Variants in TTN observed in about 807,000 individuals in gnomAD.
The protein encoded by TTN is connectin.
In TTN, 1,525 loss-of-function variants were observed where a neutral mutation model predicts 3,223.0. That is an observed-to-expected ratio of 0.47 (90% CI 0.45 to 0.49). The LOEUF (loss-of-function observed/expected upper bound fraction) is 0.49, where lower values mean the gene tolerates loss of function less well. TTN is among the 20% of genes least tolerant of loss of function. The pLI is 0.00. For missense variants in TTN, 40,786 were observed against 43,424.0 expected, an observed-to-expected ratio of 0.94 and a Z score of 5.40; for synonymous variants, 14,094 against 15,161.0, an observed-to-expected ratio of 0.93 and a Z score of 5.17.
rs1317452229 is a variant in TTN, at chr2:178,584,365, T to C, written c.65186A>G (p.Glu21729Gly). The C allele has an allele frequency of 6.2e-7, 1 of 1,613,148 alleles. No individual in the cohort carries two copies. Among genetic ancestry groups the C allele is most frequent in the Non-Finnish European group, 8.5e-7 (1 of 1,179,458 alleles). The change falls in exon 311 of 363, where the codon GAG becomes GGG. Residue 21729 changes from glutamate (E) to glycine (G), a missense_variant. Transcript: ENST00000589042. ...YPCAGLVEGL[E>G]YSFRIYALNK... Reference sequence around the variant, plus strand: ...TAGGGCATAGATTCTGAATGAATACTCAAGACCTTCTACAAGGCCAGCACA... The same window carrying C: ...TAGGGCATAGATTCTGAATGAATACCCAAGACCTTCTACAAGGCCAGCACA...
chr2:178,684,331 T>G lies in TTN; in HGVS notation c.32721A>C (p.Arg10907Ser), dbSNP rs751233550. 1 of 1,613,266 alleles carries G rather than the reference T, an allele frequency of 6.2e-7. No individual in the cohort carries two copies. The highest frequency in any genetic ancestry group is 8.5e-7 in the Non-Finnish European group (1 of 1,179,552). Residue 10907 changes from arginine (R) to serine (S), a missense_variant and splice_region_variant, in exon 132 of 363, where the codon AGA becomes AGC. Coordinates refer to ENST00000589042, the MANE Select transcript of TTN (RefSeq NM_001267550.2). ...TGCATAATGGAAGGGCGGATGTACC[T>G]CTTGCTTTTGGAGGCGCCTCTTTTT... ...VTKKEAPPKA[R>S]VPEEPKRAVP...
At chr2:178,603,770 A>T in intron 282 of TTN, 106 bp downstream of exon 282, 1 of 1,128,378 alleles carries the variant, frequency 8.9e-7, no homozygotes, top group Non-Finnish European at 1.2e-6. Flanking sequence ...TATTTTAATA[A>T]ATAAAATAAT....
intron 6 of TTN, among the ~76,000 whole-genome samples, chr2:178,798,008 C>T (rs1014465750): frequency 6.6e-6 from 1 of 151,958 alleles, no homozygotes; most frequent in Non-Finnish European, 1.5e-5. Flanking sequence ...ATACCTCTCC[C>T]TCCCCTGAAT....
In TTN at chr2:178,575,364, A is replaced by T; in HGVS notation, c.70768T>A (p.Cys23590Ser). Residue 23590 changes from cysteine to serine, a missense_variant, in exon 326 of 363, where the codon TGT becomes AGT. Transcript: ENST00000589042. The surrounding 1 kb of genome is among the most constrained non-coding windows in gnomAD (Gnocchi z 4.0). ...CCTTCAGTTAGATTCCTCACAACAC[A>T]TTCTAACCCTTTCACGGTTGTGATG... is the stretch of plus-strand genomic sequence containing the variant. ...THITTVKGLE[C>S]VVRNLTEGEE... 6.2e-7 allele frequency: 1 copy of T among 1,613,606 alleles called. No homozygotes were observed.
In TTN at chr2:178,607,623, T is replaced by C; in HGVS notation, c.53065A>G (p.Thr17689Ala). ...GTCACCACAGCTGGAATTCTAAGAGTCTTCCCAGCCATTATTTGTATTCCA... is the reference window on the plus strand; with the variant it reads ...GTCACCACAGCTGGAATTCTAAGAGCCTTCCCAGCCATTATTTGTATTCCA... ...KGGIQIMAGK[T>A]LRIPAVVTGR... The change falls in exon 277 of 363, where the codon ACT becomes GCT. Residue 17689 changes from threonine (T) to alanine (A), a missense_variant. Physicochemically the swap from Thr to Ala is moderately conservative, Grantham distance 58 (BLOSUM62 0). Coordinates refer to ENST00000589042, the MANE Select transcript of TTN (RefSeq NM_001267550.2). 3.1e-6 allele frequency: 5 copies of C among 1,612,922 alleles called. No homozygotes were observed. Among genetic ancestry groups the C allele is most frequent in the Non-Finnish European group, 4.2e-6 (5 of 1,179,354 alleles).
rs2047910752 is a variant in TTN at position 178,582,111 on chromosome 2, G to A, written c.66258C>T (p.Pro22086=). The A allele has an allele frequency of 1.2e-6, 2 of 1,612,876 alleles. No individual in the cohort carries two copies. The highest frequency in any genetic ancestry group is 2.7e-5 in the African/African-American group (2 of 74,992). ...WKPPADDGGS[P]ITGYLLEKRE... is the part of the protein sequence containing the mutation. Reference sequence around the variant, plus strand: ...GCTTTTCAAGCAAATAGCCAGTGATGGGTGAGCCCCCATCATCTGCTGGTG... The same window carrying A: ...GCTTTTCAAGCAAATAGCCAGTGATAGGTGAGCCCCCATCATCTGCTGGTG... The change falls in exon 315 of 363, where the codon CCC becomes CCT. Residue 22086 remains proline, a synonymous_variant. Coordinates refer to ENST00000589042, the MANE Select transcript of TTN (RefSeq NM_001267550.2).
intron 94 of TTN, 40 bp from the exon 95 acceptor site, chr2:178,712,633 T>C (rs763892934): frequency 2.5e-6 from 4 of 1,607,264 alleles, no homozygotes; most frequent in South Asian, 1.1e-5. Context: ...CAAACACATA[T>C]ACATACAGAC....
intron 112 of TTN, 48 bp from the exon 113 acceptor site, chr2:178,697,216 T>A: frequency 2.8e-6 from 4 of 1,422,468 alleles, no homozygotes; most frequent in Non-Finnish European, 3.8e-6. Flanking sequence ...TAGATTACAT[T>A]ATTATTAATG....
Position 178,764,602 on chromosome 2 carries a change from C to G in TTN, c.9913G>C (p.Asp3305His). ...TLLLIEAFPE[D>H]AAVYTCEAKN... is the part of the protein sequence containing the mutation. The stretch of plus-strand genomic sequence containing the variant: ...GCTTCACAGGTATAGACTGCCGCAT[C>G]CTCTGGGAAGGCTTCAATTAGCAAA... Residue 3305 changes from aspartate (D) to histidine (H), a missense_variant, in exon 42 of 363, where the codon GAT becomes CAT. Asp to His is a moderately conservative substitution (Grantham distance 81, BLOSUM62 -1). Coordinates refer to ENST00000589042, the MANE Select transcript of TTN (RefSeq NM_001267550.2). 1 of 1,614,126 alleles carries G rather than the reference C, an allele frequency of 6.2e-7. No individual in the cohort carries two copies. The highest frequency in any genetic ancestry group is 8.5e-7 in the Non-Finnish European group (1 of 1,180,024).
chr2:178,672,521 C>A, intron 153 of TTN, 40 bp from the exon 154 acceptor site: 1 of 1,602,842 alleles, frequency 6.2e-7, no homozygotes. Context: ...CTGTCGAGAG[C>A]AAGCTTTCAT....
rs1283891499 is a variant in TTN, at chr2:178,536,125, A to G, written c.100622T>C (p.Leu33541Ser). 6.2e-7 allele frequency: 1 copy of G among 1,613,632 alleles called. No individual in the cohort carries two copies. Among genetic ancestry groups the G allele is most frequent in the Non-Finnish European group, 8.5e-7 (1 of 1,179,708 alleles). The change falls in exon 357 of 363, where the codon TTA becomes TCA. Residue 33541 changes from leucine (L) to serine (S), a missense_variant. Leu to Ser is a moderately radical substitution (Grantham distance 145). Coordinates refer to ENST00000589042, the MANE Select transcript of TTN (RefSeq NM_001267550.2). ...RQGKEIIADG[L>S]KYRIQEFKGG... ...CTTAAATTCTTGAATCCTATATTTT[A>G]ATCCATCTGCAATGATTTCTTTGCC... is the stretch of plus-strand genomic sequence containing the variant.
intron 159 of TTN, among the ~76,000 whole-genome samples, chr2:178,668,895 G>C (rs763036264): frequency 1.3e-5 from 2 of 150,672 alleles, no homozygotes; most frequent in Non-Finnish European, 3.0e-5. Context: ...AAAAAAGGTC[G>C]TGAGAATTCT....
Position 178,599,224 on chromosome 2 carries a change from A to G in TTN, c.56569T>C (p.Phe18857Leu), listed in dbSNP as rs775148697. Reference sequence around the variant, plus strand: ...TATTTATTCTGGGCCATGATTCGGAATACATATTCATGGCCTTCTAGCAAT... The same window carrying G: ...TATTTATTCTGGGCCATGATTCGGAGTACATATTCATGGCCTTCTAGCAAT... ...PKLLEGHEYVFRIMAQNKYGI... is the reference protein window; with the variant it reads ...PKLLEGHEYVLRIMAQNKYGI... Residue 18857 changes from phenylalanine (F) to leucine (L), a missense_variant, in exon 290 of 363, where the codon TTC becomes CTC. Coordinates refer to ENST00000589042, the MANE Select transcript of TTN (RefSeq NM_001267550.2). 5.9e-6 allele frequency: 9 copies of G among 1,536,490 alleles called. No individual in the cohort carries two copies. Among genetic ancestry groups the G allele is most frequent in the African/African-American group, 4.2e-5 (3 of 72,112 alleles).
At chr2:178,675,163 A>G (rs2067774609) in intron 149 of TTN, 50 bp from the exon 150 acceptor site, 1 of 1,279,908 alleles carries the variant, frequency 7.8e-7, no homozygotes, top group African/African-American at 1.5e-5. Flanking sequence ...GAACCAAAGA[A>G]GAATAAAGAC....
At chr2:178,632,496 TG>T in intron 235 of TTN, 29 bp downstream of exon 235, 2 of 1,599,698 alleles carry the variant, frequency 1.3e-6, no homozygotes, top group Non-Finnish European at 1.7e-6. Flanking sequence ...AAAATGATTT[TG>T]GGGTGGACTA....
intron 47 of TTN, chr2:178,744,968 A>G: frequency 3.0e-6 from 3 of 985,402 alleles, no homozygotes; most frequent in Non-Finnish European, 3.6e-6. Context: ...GAGGAATATT[A>G]ATAACGAAAA....
chr2:178,598,824 C>T lies in TTN; in HGVS notation c.56886G>A (p.Arg18962=). 6.2e-7 allele frequency: 1 copy of T among 1,613,268 alleles called. No homozygotes were observed. Among genetic ancestry groups the T allele is most frequent in the Non-Finnish European group, 8.5e-7 (1 of 1,179,488 alleles). Reference sequence around the variant, plus strand: ...CGCCAGCAGCATTGATTGCATATACCCGGAATTGATAGTCGGAACCTTCAA... The same window carrying T: ...CGCCAGCAGCATTGATTGCATATACTCGGAATTGATAGTCGGAACCTTCAA... ...GLIEGSDYQF[R]VYAINAAGVG... is the part of the protein sequence containing the mutation. The change falls in exon 291 of 363, where the codon CGG becomes CGA. Residue 18962 remains arginine (R), a synonymous_variant. Transcript: ENST00000589042.
In TTN at chr2:178,567,657, A is replaced by T; in HGVS notation, c.78475T>A (p.Tyr26159Asn). 1.9e-6 allele frequency: 3 copies of T among 1,612,410 alleles called. No individual in the cohort carries two copies. The highest frequency in any genetic ancestry group is 2.5e-6 in the Non-Finnish European group (3 of 1,178,916). The stretch of plus-strand genomic sequence containing the variant: ...TTCTTTGCAATGACTCTGAATTCAT[A>T]TCTTTGATCTTCAGTAAGACCTGAC... ...TVSGLTEDQRYEFRVIAKNAA... is the reference protein window; with the variant it reads ...TVSGLTEDQRNEFRVIAKNAA... Residue 26159 changes from tyrosine (Y) to asparagine (N), a missense_variant, in exon 326 of 363, where the codon TAT (tyrosine) becomes AAT (asparagine). By Grantham distance (143) the Tyr-to-Asn change is moderately radical. Transcript: ENST00000589042.
Position 178,590,526 on chromosome 2 carries a change from C to T in TTN, c.61199G>A (p.Gly20400Asp). Reference protein sequence around the residue: ...LVWTKPLSDGGSPILGYVVEC... With the variant: ...LVWTKPLSDGDSPILGYVVEC... ...CACTACATATCCTAGAATGGGGCTA[C>T]CACCATCACTGAGAGGCTTTGTCCA... The change falls in exon 304 of 363, where the codon GGT (glycine) becomes GAT (aspartate). Residue 20400 changes from glycine (G) to aspartate (D), a missense_variant. By Grantham distance (94) the Gly-to-Asp change is moderately conservative (BLOSUM62 -1). Transcript: ENST00000589042. 1 of 1,612,962 alleles carries T rather than the reference C, an allele frequency of 6.2e-7. No homozygotes were observed. The highest frequency in any genetic ancestry group is 8.5e-7 in the Non-Finnish European group (1 of 1,179,366).
Sources: allele counts gnomAD v4.1 joint callset (sites outside exome capture counted in the v4.1 genomes callset), GRCh38; gene constraint gnomAD v4.1.1; non-coding constraint Gnocchi (gnomAD v3.1); transcripts MANE v1.5; gene names NCBI Gene and HGNC (gene_info 2026-07-23, HGNC 2026-07-21).